Variants in GPC5 observed in about 807,000 individuals in gnomAD.
GPC5 encodes the protein glypican 5.
Under a neutral mutation model 53.9 loss-of-function variants are expected in GPC5, and 47 were observed. The ratio of observed to expected loss-of-function variants is 0.87; its 90% CI spans 0.69 to 1.11. GPC5 has a LOEUF of 1.11. GPC5 is among the 50% of genes most tolerant of loss of function. GPC5 has a pLI of 0.00. For synonymous variants in GPC5, 286 were observed against 263.3 expected, an observed-to-expected ratio of 1.09 and a Z score of -0.84; for missense variants, 748 against 713.1, an observed-to-expected ratio of 1.05 and a Z score of -0.56.
At chr13:92,290,751 C>T (rs2042988127) in intron 7 of GPC5, among the ~76,000 whole-genome samples, 1 of 152,216 alleles carries the variant, frequency 6.6e-6, no homozygotes, top group Admixed American at 6.5e-5. Context: ...CTCGCTCGCT[C>T]TCGGCGCCTC....
chr13:91,880,618 C>G (rs1026118644), intron 5 of GPC5, among the ~76,000 whole-genome samples: 1 of 151,972 alleles, frequency 6.6e-6, no homozygotes, highest in African/African-American at 2.4e-5. Flanking sequence ...TTTTTGGGAA[C>G]GCCATATGCC....
chr13:92,630,058 G>T (rs1460348037), intron 7 of GPC5, among the ~76,000 whole-genome samples: 1 of 152,100 alleles, frequency 6.6e-6, no homozygotes, highest in Non-Finnish European at 1.5e-5. Flanking sequence ...GACCAAAAGG[G>T]CAGGAATTTA....
At chr13:91,421,249 A>C (rs1359987436) in intron 1 of GPC5, among the ~76,000 whole-genome samples, 1 of 152,154 alleles carries the variant, frequency 6.6e-6, no homozygotes, top group Non-Finnish European at 1.5e-5. Flanking sequence ...CCTGGGGTAG[A>C]AACTTCTCTA....
chr13:92,072,282 T>C (rs534899110), intron 6 of GPC5, among the ~76,000 whole-genome samples: 27 of 151,376 alleles, frequency 1.8e-4, no homozygotes, highest in South Asian at 2.1e-4. Flanking sequence ...ATTATTATTT[T>C]TTGAGACAGA....
chr13:92,736,232 G>T (rs976541293), intron 7 of GPC5, among the ~76,000 whole-genome samples: 1 of 151,932 alleles, frequency 6.6e-6, no homozygotes, highest in African/African-American at 2.4e-5. Flanking sequence ...AGTCTCCAAA[G>T]TAAATGTATT....
chr13:91,468,153 A>C (rs1038965885), intron 2 of GPC5, among the ~76,000 whole-genome samples: 6 of 152,082 alleles, frequency 3.9e-5, no homozygotes, highest in Non-Finnish European at 5.9e-5. Context: ...GCTTCCACTT[A>C]CACTTCCTCT....
chr13:92,657,913 TA>T (rs1886195712), intron 7 of GPC5, among the ~76,000 whole-genome samples: 1 of 149,614 alleles, frequency 6.7e-6, no homozygotes, highest in African/African-American at 2.6e-5. Context: ...TCTATTTTTC[TA>T]TTTTTTTGCA....
At chr13:92,792,908 A>G (rs762297633) in intron 7 of GPC5, among the ~76,000 whole-genome samples, 2 of 152,106 alleles carry the variant, frequency 1.3e-5, no homozygotes, top group Non-Finnish European at 2.9e-5. Context: ...ACCTACAAAG[A>G]GACTTAGACT....
At chr13:92,362,946 C>T (rs892960280) in intron 7 of GPC5, among the ~76,000 whole-genome samples, 8 of 151,632 alleles carry the variant, frequency 5.3e-5, no homozygotes, top group African/African-American at 2.0e-4. Flanking sequence ...GGCTATTGCA[C>T]AGGACGGGAA....
intron 7 of GPC5, among the ~76,000 whole-genome samples, chr13:92,791,281 A>G (rs772931585): frequency 2.4e-4 from 36 of 152,100 alleles, no homozygotes; most frequent in Non-Finnish European, 3.8e-4. Flanking sequence ...TTCACTAACT[A>G]AAAATTTAGC....
chr13:92,732,850 T>C (rs1888843059), intron 7 of GPC5, among the ~76,000 whole-genome samples: 2 of 151,668 alleles, frequency 1.3e-5, no homozygotes, highest in South Asian at 2.1e-4. Flanking sequence ...GCTGTCTGCC[T>C]CACTTAAATA....
intron 6 of GPC5, chr13:91,996,537 T>C (rs2040505489): frequency 1.3e-5 from 2 of 152,330 alleles, no homozygotes; most frequent in South Asian, 4.1e-4. Context: ...AAAAATTAAA[T>C]ATAACACATA....
chr13:92,437,671 T>C (rs1877367985), intron 7 of GPC5, among the ~76,000 whole-genome samples: 1 of 152,112 alleles, frequency 6.6e-6, no homozygotes, highest in Non-Finnish European at 1.5e-5. Context: ...TCATACAACA[T>C]CACCCATTTA....
intron 6 of GPC5, among the ~76,000 whole-genome samples, chr13:92,063,306 T>C (rs2041139437): frequency 6.6e-6 from 1 of 152,164 alleles, no homozygotes; most frequent in African/African-American, 2.4e-5. Context: ...ATAATCATGA[T>C]TAATACTCTT....
chr13:92,007,843 A>G (rs181095524), intron 6 of GPC5, among the ~76,000 whole-genome samples: 1 of 152,264 alleles, frequency 6.6e-6, no homozygotes, highest in Admixed American at 6.5e-5. Context: ...GCTCAAGATG[A>G]AATAGGCACT....
At chr13:91,735,342 C>A (rs1475852410) in intron 4 of GPC5, among the ~76,000 whole-genome samples, 1 of 150,976 alleles carries the variant, frequency 6.6e-6, no homozygotes, top group Admixed American at 6.6e-5. Flanking sequence ...CCATCCTTTC[C>A]CCCTTTGTGT....
intron 7 of GPC5, among the ~76,000 whole-genome samples, chr13:92,638,221 C>A (rs1469160889): frequency 6.6e-6 from 1 of 152,066 alleles, no homozygotes; most frequent in Non-Finnish European, 1.5e-5. Flanking sequence ...CTCTCCTCAG[C>A]CTAATGAGTG....
rs71120090 is a variant in GPC5, at chr13:92,289,088, C to CA, written c.1561+144111dup. Among the ~76,000 whole-genome samples the CA allele has an allele frequency of 4.8e-3, 673 of 141,158 alleles. 3 individuals are homozygous for CA. Among genetic ancestry groups the CA allele is most frequent in the Non-Finnish European group, 7.8e-3 (493 of 63,510 alleles). 92.6% of individuals were successfully genotyped at this position (141,158 alleles called of 152,430 possible). ...TGTCAACAGGAGAATAATAAATTAC[C>CA]AAAAAAAAAAAAGCCCTAATAAGAG... On this transcript the variant is annotated intron_variant, in intron 7 of 7. Transcript: ENST00000377067.
intron 7 of GPC5, among the ~76,000 whole-genome samples, chr13:92,538,623 A>G (rs1357986574): frequency 7.1e-6 from 1 of 141,478 alleles, no homozygotes; most frequent in African/African-American, 2.6e-5. Flanking sequence ...GCAACTCACC[A>G]CCCAGCAGGC....
Sources: allele counts gnomAD v4.1 joint callset (sites outside exome capture counted in the v4.1 genomes callset), GRCh38; gene constraint gnomAD v4.1.1; transcripts MANE v1.5; gene names NCBI Gene and HGNC (gene_info 2026-07-23, HGNC 2026-07-21).